Variants in CNTN5 observed in about 807,000 individuals in gnomAD.
CNTN5 encodes contactin-5.
In CNTN5, 77 loss-of-function variants were observed where a neutral mutation model predicts 129.1. The observed-to-expected ratio is 0.60, with a 90% confidence interval of 0.50 to 0.72. CNTN5 has a LOEUF of 0.72. Among genes scored for constraint, CNTN5 ranks in the 30% least tolerant of loss-of-function variants. The pLI is 0.00. For missense variants in CNTN5, 1,478 were observed against 1,328.8 expected, an observed-to-expected ratio of 1.11 and a Z score of -1.75; for synonymous variants, 509 against 465.6, an observed-to-expected ratio of 1.09 and a Z score of -1.20.
At chr11:99,351,597 C>A (rs987805142) in intron 2 of CNTN5, among the ~76,000 whole-genome samples, 1 of 152,036 alleles carries the variant, frequency 6.6e-6, no homozygotes, top group Non-Finnish European at 1.5e-5. Context: ...ATGGTATAAA[C>A]GATTAAAAAC....
chr11:99,135,012 T>C (rs1044479285), intron 1 of CNTN5, among the ~76,000 whole-genome samples: 1 of 152,216 alleles, frequency 6.6e-6, no homozygotes, highest in African/African-American at 2.4e-5. Context: ...ATTTCTATGA[T>C]GAACATTTAT....
intron 21 of CNTN5, among the ~76,000 whole-genome samples, chr11:100,314,613 T>C (rs1951541645): frequency 6.6e-6 from 1 of 152,162 alleles, no homozygotes; most frequent in South Asian, 2.1e-4. Context: ...TGTGATTCAC[T>C]TGTCTCTGAA....
At chr11:99,886,740 T>C (rs1200488735) in intron 6 of CNTN5, among the ~76,000 whole-genome samples, 1 of 152,208 alleles carries the variant, frequency 6.6e-6, no homozygotes. Context: ...GTTAATATGT[T>C]ACAGCAGTGA....
intron 3 of CNTN5, among the ~76,000 whole-genome samples, chr11:99,609,596 T>C (rs1351392744): frequency 6.6e-6 from 1 of 152,136 alleles, no homozygotes; most frequent in African/African-American, 2.4e-5. Flanking sequence ...TTGGTTGATA[T>C]GCCTATCCTG....
At chr11:99,072,089 T>C (rs1865361935) in intron 1 of CNTN5, among the ~76,000 whole-genome samples, 1 of 152,100 alleles carries the variant, frequency 6.6e-6, no homozygotes, top group East Asian at 1.9e-4. Flanking sequence ...TTATATGAAG[T>C]TGAACAATGG....
chr11:99,110,100 G>A (rs17133022), intron 1 of CNTN5, among the ~76,000 whole-genome samples: 10,073 of 152,078 alleles, frequency 0.066, 725 homozygotes, highest in African/African-American at 0.18. Flanking sequence ...AACCTCGCTC[G>A]GAGTGCACAG....
At chr11:99,396,136 G>A (rs1466659682) in intron 2 of CNTN5, among the ~76,000 whole-genome samples, 2 of 151,560 alleles carry the variant, frequency 1.3e-5, no homozygotes, top group Non-Finnish European at 3.0e-5. Context: ...TTGGCAGTAT[G>A]GCCATTTTTT....
intron 21 of CNTN5, among the ~76,000 whole-genome samples, chr11:100,332,615 T>C (rs568708628): frequency 2.0e-5 from 3 of 152,164 alleles, no homozygotes; most frequent in African/African-American, 7.2e-5. Context: ...CATGATCAAC[T>C]GGGTTTCATA....
At chr11:100,075,270 A>G (rs1030451410) in intron 13 of CNTN5, among the ~76,000 whole-genome samples, 2 of 152,066 alleles carry the variant, frequency 1.3e-5, no homozygotes, top group Non-Finnish European at 2.9e-5. Context: ...AGATTAAACA[A>G]TTTTTGGAAT....
chr11:99,220,065 G>T (rs1268735553), intron 1 of CNTN5, among the ~76,000 whole-genome samples: 1 of 151,860 alleles, frequency 6.6e-6, no homozygotes, highest in African/African-American at 2.4e-5. Flanking sequence ...ACTCATTCCT[G>T]TCCTTTCCAG....
At chr11:100,244,871 T>C (rs1457271426) in intron 16 of CNTN5, among the ~76,000 whole-genome samples, 2 of 152,188 alleles carry the variant, frequency 1.3e-5, no homozygotes, top group Non-Finnish European at 2.9e-5. Context: ...TTTTAAATTC[T>C]AATGGATTTA....
intron 2 of CNTN5, among the ~76,000 whole-genome samples, chr11:99,524,785 A>C (rs1380277771): frequency 6.6e-6 from 1 of 151,978 alleles, no homozygotes; most frequent in Non-Finnish European, 1.5e-5. Context: ...CCTGGGCGAC[A>C]GAGCAAGATT....
intron 1 of CNTN5, among the ~76,000 whole-genome samples, chr11:99,299,263 A>G (rs553897508): frequency 3.3e-4 from 50 of 152,312 alleles, no homozygotes; most frequent in African/African-American, 1.1e-3. Context: ...ATTATGTTCA[A>G]AGAACTAAAA....
At chr11:99,285,142 G>A (rs1202147426) in intron 1 of CNTN5, among the ~76,000 whole-genome samples, 1 of 152,132 alleles carries the variant, frequency 6.6e-6, no homozygotes, top group Non-Finnish European at 1.5e-5. Flanking sequence ...TAGGCACCTA[G>A]TGAGTTCTCA....
chr11:99,533,903 G>T (rs1947806227), intron 2 of CNTN5, among the ~76,000 whole-genome samples: 1 of 152,320 alleles, frequency 6.6e-6, no homozygotes, highest in African/African-American at 2.4e-5. Flanking sequence ...CATACTCATA[G>T]AGAAAATTCC....
At chr11:99,778,850 T>C (rs560644997) in intron 3 of CNTN5, among the ~76,000 whole-genome samples, 13 of 140,280 alleles carry the variant, frequency 9.3e-5, no homozygotes, top group African/African-American at 3.0e-4. Context: ...CAACAATTTT[T>C]CTCTATTTGT....
rs377666601 is a variant in CNTN5, at chr11:99,845,153, C to T, written c.468C>T (p.Thr156=). The T allele has an allele frequency of 3.7e-5, 60 of 1,613,518 alleles. No homozygotes were observed. The African/African-American group carries it at 7.1e-4, about 19-fold the overall frequency. ...ATCGCTACAGTTTGATAGATGGCAC[C>T]TTCATTATAAGCAATCCAAGTGAAG... The part of the protein sequence containing the change: ...SDYRYSLIDG[T]FIISNPSEAK... The change falls in exon 6 of 25, where the codon ACC becomes ACT. Residue 156 remains threonine (T), a synonymous_variant. Transcript: ENST00000524871.
At chr11:99,854,183 C>A (rs1265125056) in intron 6 of CNTN5, among the ~76,000 whole-genome samples, 1 of 152,074 alleles carries the variant, frequency 6.6e-6, no homozygotes, top group Non-Finnish European at 1.5e-5. Context: ...AATACCTGAC[C>A]ACTTTTTCTA....
chr11:99,295,739 G>C (rs1046192959), intron 1 of CNTN5, among the ~76,000 whole-genome samples: 1 of 151,792 alleles, frequency 6.6e-6, no homozygotes, highest in African/African-American at 2.4e-5. Flanking sequence ...AGCCGGGCGC[G>C]GTGGCGGGCG....
Sources: allele counts gnomAD v4.1 joint callset (sites outside exome capture counted in the v4.1 genomes callset), GRCh38; gene constraint gnomAD v4.1.1; transcripts MANE v1.5; gene names NCBI Gene and HGNC (gene_info 2026-07-23, HGNC 2026-07-21).